GLYATL2: variants seen among roughly 807,000 people sequenced by gnomAD.
GLYATL2 encodes the protein glycine-N-acyltransferase like 2.
In GLYATL2, 25 loss-of-function variants were observed where a neutral mutation model predicts 21.4. That is an observed-to-expected ratio of 1.17 (90% confidence interval 0.85 to 1.63). The LOEUF is 1.63. Ranked by LOEUF, GLYATL2 falls within the 40% of genes most tolerant of loss-of-function variation. GLYATL2 has a pLI of 0.00. For missense variants in GLYATL2, 361 were observed against 343.3 expected (o/e 1.05, Z -0.41); for synonymous variants, 114 against 118.2 (o/e 0.96, Z 0.23).
chr11:58,901,183 G>A (rs1448515417), intron 1 of GLYATL2, among the ~76,000 whole-genome samples: 1 of 152,200 alleles, frequency 6.6e-6, no homozygotes, highest in East Asian at 1.9e-4. Flanking sequence ...GTCACAGAGA[G>A]ACAGGCGGGG....
chr11:58,901,717 C>A (rs1017087639), intron 1 of GLYATL2, among the ~76,000 whole-genome samples: 7 of 152,130 alleles, frequency 4.6e-5, no homozygotes, highest in African/African-American at 1.7e-4. Context: ...AGCAAATTAT[C>A]CTGTCCTAAT....
intron 1 of GLYATL2, among the ~76,000 whole-genome samples, chr11:58,867,784 A>G (rs574532239): frequency 6.7e-6 from 1 of 149,036 alleles, no homozygotes; most frequent in Non-Finnish European, 1.5e-5. Context: ...GCCGTGACAC[A>G]TAAGGCTAAA....
intron 1 of GLYATL2, among the ~76,000 whole-genome samples, chr11:58,861,423 C>A (rs1387059928): frequency 1.3e-5 from 2 of 151,730 alleles, no homozygotes; most frequent in East Asian, 1.9e-4. Context: ...GTTGTAATGT[C>A]TCCTTTTTAT....
chr11:58,869,612 G>A (rs1298725780), intron 1 of GLYATL2, among the ~76,000 whole-genome samples: 1 of 152,168 alleles, frequency 6.6e-6, no homozygotes, highest in Non-Finnish European at 1.5e-5. Context: ...ATCTAGATGT[G>A]TTTATGTGTA....
intron 1 of GLYATL2, among the ~76,000 whole-genome samples, chr11:58,900,152 C>T (rs1212345164): frequency 6.6e-6 from 1 of 152,070 alleles, no homozygotes; most frequent in Non-Finnish European, 1.5e-5. Flanking sequence ...GTAGATGACC[C>T]CTAAGAAATG....
At chr11:58,848,981 GATACA>G (rs1167939332), upstream of GLYATL2, among the ~76,000 whole-genome samples, 1 of 152,118 alleles carries the variant, frequency 6.6e-6, no homozygotes, top group Non-Finnish European at 1.5e-5. Context: ...ATACAATGGA[GATACA>G]ATACATCTGA....
upstream of GLYATL2, among the ~76,000 whole-genome samples, chr11:58,905,842 C>G (rs1854863091): frequency 6.6e-6 from 1 of 152,246 alleles, no homozygotes; most frequent in South Asian, 2.1e-4. Context: ...TTCCTCTCTT[C>G]AATCACTGTC....
At chr11:58,845,444 TG>T (rs1853626170), upstream of GLYATL2, among the ~76,000 whole-genome samples, 1 of 152,162 alleles carries the variant, frequency 6.6e-6, no homozygotes, top group East Asian at 1.9e-4. Flanking sequence ...TTTAAAATTT[TG>T]GTTTTTAATT....
chr11:58,903,470 C>T (rs1035699975), intron 1 of GLYATL2, among the ~76,000 whole-genome samples: 13 of 152,134 alleles, frequency 8.5e-5, no homozygotes, highest in African/African-American at 3.1e-4. Context: ...GTCAGGAGTT[C>T]GACCCCAGAC....
At position 58,834,435 on chromosome 11, in the gene GLYATL2, A is replaced by G. The variant is rs756254154; in HGVS notation, c.879T>C (p.Tyr293=). The part of the protein sequence containing the change: ...WHQWKCTPKK[Y]C ...AAATGGACAGTGGAATCAATCAACAATATTTCTTGGGGGTGCATTTCCACT... is the reference window on the plus strand; with the variant it reads ...AAATGGACAGTGGAATCAATCAACAGTATTTCTTGGGGGTGCATTTCCACT... Residue 293 remains tyrosine (Y), a synonymous_variant, in exon 6 of 6, where the codon TAT becomes TAC. Coordinates refer to ENST00000287275, the MANE Select transcript of GLYATL2 (RefSeq NM_145016.4). 2.6e-5 allele frequency: 41 copies of G among 1,581,108 alleles called. No individual in the cohort carries two copies. The highest frequency in any genetic ancestry group is 3.4e-5 in the Non-Finnish European group (40 of 1,166,322).
At chr11:58,866,041 C>A (rs1336244388) in intron 1 of GLYATL2, among the ~76,000 whole-genome samples, 2 of 148,760 alleles carry the variant, frequency 1.3e-5, no homozygotes, top group Non-Finnish European at 3.0e-5. Context: ...CACACTTTCC[C>A]AAATCCCTGA....
intron 1 of GLYATL2, among the ~76,000 whole-genome samples, chr11:58,900,110 T>G (rs891528594): frequency 1.3e-5 from 2 of 152,186 alleles, no homozygotes; most frequent in African/African-American, 4.8e-5. Flanking sequence ...CCTTTTCTTT[T>G]GTATTTTTAG....
At chr11:58,869,593 T>C (rs1854081488) in intron 1 of GLYATL2, among the ~76,000 whole-genome samples, 1 of 152,178 alleles carries the variant, frequency 6.6e-6, no homozygotes, top group Non-Finnish European at 1.5e-5. Context: ...GATCTTTGTG[T>C]GTATATGCAT....
At chr11:58,900,209 G>A (rs978378814) in intron 1 of GLYATL2, among the ~76,000 whole-genome samples, 10 of 152,126 alleles carry the variant, frequency 6.6e-5, no homozygotes, top group Non-Finnish European at 1.5e-4. Flanking sequence ...AGTGAGTGAG[G>A]AGCAGTGATT....
At chr11:58,908,918 A>C (rs1197503479), upstream of GLYATL2, among the ~76,000 whole-genome samples, 6 of 152,190 alleles carry the variant, frequency 3.9e-5, no homozygotes, top group African/African-American at 1.4e-4. Flanking sequence ...TGCAGTAGGT[A>C]ATATTATCAT....
upstream of GLYATL2, among the ~76,000 whole-genome samples, chr11:58,849,559 C>T (rs1853703725): frequency 6.6e-6 from 1 of 152,104 alleles, no homozygotes; most frequent in Non-Finnish European, 1.5e-5. Context: ...ACTAAAGTCT[C>T]TCAGTAAAGA....
At chr11:58,875,023 G>A (rs916894219) in intron 1 of GLYATL2, among the ~76,000 whole-genome samples, 2 of 152,176 alleles carry the variant, frequency 1.3e-5, no homozygotes, top group African/African-American at 2.4e-5. Context: ...TTGTTGAATT[G>A]ATCCCTTTAC....
upstream of GLYATL2, among the ~76,000 whole-genome samples, chr11:58,846,290 G>C (rs1023373766): frequency 6.6e-6 from 1 of 151,970 alleles, no homozygotes; most frequent in East Asian, 1.9e-4. Context: ...AGAATAGAAG[G>C]CTCCACTAAT....
chr11:58,857,151 G>T (rs1197893835), intron 1 of GLYATL2, among the ~76,000 whole-genome samples: 3 of 152,036 alleles, frequency 2.0e-5, no homozygotes, highest in South Asian at 2.1e-4. Context: ...AGTGCACAAG[G>T]GTTCTCCTCT....
Sources: allele counts gnomAD v4.1 joint callset (sites outside exome capture counted in the v4.1 genomes callset), GRCh38; gene constraint gnomAD v4.1.1; transcripts MANE v1.5; gene names NCBI Gene and HGNC (gene_info 2026-07-23, HGNC 2026-07-21).